FAF1: variants seen among roughly 807,000 people sequenced by gnomAD.
FAF1 encodes FAS-associated factor 1.
FAF1 carries 25 observed loss-of-function variants against 92.5 expected under a neutral mutation model. The observed-to-expected ratio is 0.27, with a 90% CI of 0.20 to 0.38. The LOEUF is 0.38. Among genes scored for constraint, FAF1 ranks in the 10% least tolerant of loss-of-function variants. The probability of loss-of-function intolerance (pLI) is 1.00; values close to 1 mark genes in which losing one functional copy is unlikely to be tolerated. For synonymous variants in FAF1, 234 were observed against 273.2 expected (o/e 0.86, Z 1.42); for missense variants, 636 against 793.3 (o/e 0.80, Z 2.38).
intron 15 of FAF1, among the ~76,000 whole-genome samples, chr1:50,524,174 T>C (rs1252701450): frequency 6.6e-6 from 1 of 152,258 alleles, no homozygotes; most frequent in Non-Finnish European, 1.5e-5. Flanking sequence ...TTCATATAAT[T>C]GTTGACCACA....
chr1:50,928,018 T>C (rs1645019471), intron 1 of FAF1, among the ~76,000 whole-genome samples: 1 of 152,224 alleles, frequency 6.6e-6, no homozygotes, highest in East Asian at 1.9e-4. Flanking sequence ...TCATAAAGTT[T>C]AGAATTTTCA....
chr1:50,555,843 G>C (rs1649548256), intron 13 of FAF1, among the ~76,000 whole-genome samples: 1 of 152,032 alleles, frequency 6.6e-6, no homozygotes, highest in Non-Finnish European at 1.5e-5. Context: ...CAATGGCAAA[G>C]ATAGGGAATC....
intron 1 of FAF1, among the ~76,000 whole-genome samples, chr1:50,887,182 TG>T (rs1009575905): frequency 6.6e-6 from 1 of 152,246 alleles, no homozygotes; most frequent in African/African-American, 2.4e-5. Flanking sequence ...TGTCTTCTTT[TG>T]AGAAGTACCT....
At chr1:50,794,789 A>ATTTTTTTTTTTTTT in intron 3 of FAF1, among the ~76,000 whole-genome samples, 1 of 123,494 alleles carries the variant, frequency 8.1e-6, no homozygotes, top group Non-Finnish European at 1.7e-5. Context: ...TCACCCAGCT[A>ATTTTTTTTTTTTTT]TTTTTTTTTT....
At chr1:50,711,763 C>T (rs1189470378) in intron 6 of FAF1, among the ~76,000 whole-genome samples, 1 of 152,164 alleles carries the variant, frequency 6.6e-6, no homozygotes, top group Non-Finnish European at 1.5e-5. Flanking sequence ...CCACACCCGG[C>T]CTGTTCTTTT....
intron 8 of FAF1, among the ~76,000 whole-genome samples, chr1:50,609,139 T>C (rs534774631): frequency 6.6e-6 from 1 of 152,286 alleles, no homozygotes; most frequent in Non-Finnish European, 1.5e-5. Flanking sequence ...ATAGAGCCAA[T>C]GGTGAACAGT....
At chr1:50,594,781 C>A (rs1332726910) in intron 9 of FAF1, among the ~76,000 whole-genome samples, 1 of 149,252 alleles carries the variant, frequency 6.7e-6, no homozygotes, top group Non-Finnish European at 1.5e-5. Context: ...TGAGGCAGGA[C>A]AATCGCTTGA....
At chr1:50,758,600 C>T (rs1053657642) in intron 4 of FAF1, among the ~76,000 whole-genome samples, 18 of 152,182 alleles carry the variant, frequency 1.2e-4, no homozygotes, top group Non-Finnish European at 2.5e-4. Context: ...TTTACAATTT[C>T]TAGTGCTCTT....
rs894203564 is a variant in FAF1, at chr1:50,441,046, A to G, written c.*394T>C. 1.8e-5 allele frequency: 3 copies of G among 162,996 alleles called. No homozygotes were observed. Among genetic ancestry groups the G allele is most frequent in the Non-Finnish European group, 4.0e-5 (3 of 75,518 alleles). The allele number at this position is 162,996 out of a possible 1,614,324, so 10.1% of individuals were successfully genotyped here. On this transcript the variant is annotated 3_prime_UTR_variant, in exon 19 of 19. Transcript: ENST00000396153. ...AATTCAGTCATGAAAATAAAAAGAC[A>G]TATATCAAATATACAGCATCCTGGT... is the stretch of plus-strand genomic sequence containing the variant.
chr1:50,554,165 C>T (rs992481629), intron 13 of FAF1, among the ~76,000 whole-genome samples: 5 of 149,932 alleles, frequency 3.3e-5, no homozygotes, highest in Non-Finnish European at 5.9e-5. Flanking sequence ...ATTTTTGTTG[C>T]TGAATCATTC....
At chr1:50,928,398 T>G (rs1405653764) in intron 1 of FAF1, among the ~76,000 whole-genome samples, 1 of 152,218 alleles carries the variant, frequency 6.6e-6, no homozygotes, top group Admixed American at 6.5e-5. Flanking sequence ...TCAAAGCATT[T>G]CCAAAGCCCA....
At chr1:50,672,103 T>C (rs1042893397) in intron 7 of FAF1, among the ~76,000 whole-genome samples, 13 of 151,842 alleles carry the variant, frequency 8.6e-5, no homozygotes, top group African/African-American at 2.7e-4. Context: ...TGGAGTACAG[T>C]GGCGCGATCT....
chr1:50,830,882 TA>T (rs1468663361), intron 2 of FAF1, among the ~76,000 whole-genome samples: 1 of 152,134 alleles, frequency 6.6e-6, no homozygotes, highest in Non-Finnish European at 1.5e-5. Context: ...TTTTGTAACC[TA>T]AACCCATTTG....
intron 12 of FAF1, chr1:50,582,358 C>T: frequency 2.7e-6 from 1 of 375,924 alleles, no homozygotes; most frequent in East Asian, 4.0e-5. Context: ...AGCAGATGAA[C>T]CAGAAACAAA....
chr1:50,882,982 C>T, intron 1 of FAF1, among the ~76,000 whole-genome samples: 1 of 142,586 alleles, frequency 7.0e-6, no homozygotes, highest in Admixed American at 7.0e-5. Context: ...AGACTCTTGT[C>T]TCCAAAAAAA....
At chr1:50,572,566 A>G (rs1650495143) in intron 12 of FAF1, among the ~76,000 whole-genome samples, 1 of 152,246 alleles carries the variant, frequency 6.6e-6, no homozygotes, top group Non-Finnish European at 1.5e-5. Flanking sequence ...GCATACAATC[A>G]TGACTCAAGA....
At chr1:50,763,397 C>T (rs1351852696) in intron 4 of FAF1, among the ~76,000 whole-genome samples, 1 of 152,058 alleles carries the variant, frequency 6.6e-6, no homozygotes, top group African/African-American at 2.4e-5. Flanking sequence ...GATGCGGTTT[C>T]CTCTGAGTTA....
intron 6 of FAF1, among the ~76,000 whole-genome samples, chr1:50,736,005 T>C (rs1455078280): frequency 1.3e-5 from 2 of 152,144 alleles, no homozygotes; most frequent in African/African-American, 4.8e-5. Context: ...AGGCATAAGC[T>C]ACGGTGCCCG....
At chr1:50,604,804 T>TGTGA (rs1338136833) in intron 8 of FAF1, among the ~76,000 whole-genome samples, 2 of 152,178 alleles carry the variant, frequency 1.3e-5, no homozygotes, top group Non-Finnish European at 2.9e-5. Flanking sequence ...GGATTACAGG[T>TGTGA]GTGAGCCACC....
Sources: gnomAD v4.1 joint callset for allele counts (sites outside exome capture counted in the v4.1 genomes callset) on GRCh38, gnomAD v4.1.1 for gene constraint, MANE v1.5 for transcripts, NCBI Gene and HGNC (gene_info 2026-07-23, HGNC 2026-07-21) for gene names.